CTNNA1: variants seen among roughly 807,000 people sequenced by gnomAD.
CTNNA1 encodes catenin alpha 1, also known as catenin alpha-1.
In CTNNA1, 37 loss-of-function variants were observed where a neutral mutation model predicts 98.4. That is an observed-to-expected ratio of 0.38 (90% CI 0.29 to 0.49). The LOEUF (loss-of-function observed/expected upper bound fraction) is 0.49, where lower values mean the gene tolerates loss of function less well. Among genes scored for constraint, CTNNA1 ranks in the 20% least tolerant of loss-of-function variants. The pLI, the probability that CTNNA1 is intolerant of heterozygous loss-of-function variation, is 0.95. For synonymous variants in CTNNA1, 404 were observed against 413.2 expected (o/e 0.98, Z 0.27); for missense variants, 761 against 1,147.2 (o/e 0.66, Z 4.86).
chr5:138,910,905 G>T (rs1226440618), intron 10 of CTNNA1, among the ~76,000 whole-genome samples: 1 of 152,156 alleles, frequency 6.6e-6, no homozygotes, highest in Non-Finnish European at 1.5e-5. Context: ...AACCATTGAA[G>T]GGTTTTGAGT....
Position 138,874,564 on chromosome 5 carries a change from A to G in CTNNA1, c.1063-11648A>G. ...GCCACTTGAAATGTAAGCCTGCAGA[A>G]TATAATTTAAGGAAAACAAGAAGAT... On this transcript the variant is annotated intron_variant, in intron 7 of 17. Transcript: ENST00000302763. The surrounding 1 kb of genome is among the most constrained non-coding windows in gnomAD (Gnocchi z 4.1). 1.3e-6 allele frequency: 2 copies of G among 1,492,780 alleles called. No individual in the cohort carries two copies. Among genetic ancestry groups the G allele is most frequent in the South Asian group, 1.3e-5 (1 of 78,352 alleles). The allele number at this position is 1,492,780 out of a possible 1,614,324, so 92.5% of individuals were successfully genotyped here.
At chr5:138,808,336 A>G (rs906784738) in intron 3 of CTNNA1, among the ~76,000 whole-genome samples, 1 of 152,220 alleles carries the variant, frequency 6.6e-6, no homozygotes, top group Admixed American at 6.5e-5. Flanking sequence ...TTTGTTGAAC[A>G]AATAAAAGAA....
At chr5:138,786,791 C>T (rs1755759920) in intron 3 of CTNNA1, among the ~76,000 whole-genome samples, 1 of 152,298 alleles carries the variant, frequency 6.6e-6, no homozygotes, top group South Asian at 2.1e-4. Context: ...AAGTTTCAGA[C>T]AACATCAGTC....
chr5:138,899,106 G>T (rs970455018), intron 9 of CTNNA1, among the ~76,000 whole-genome samples: 2 of 151,946 alleles, frequency 1.3e-5, no homozygotes, highest in African/African-American at 4.8e-5. Context: ...TTTTTAAATT[G>T]CATTTTCGAT....
At chr5:138,838,521 G>T (rs1191444912) in intron 7 of CTNNA1, among the ~76,000 whole-genome samples, 1 of 151,832 alleles carries the variant, frequency 6.6e-6, no homozygotes, top group East Asian at 1.9e-4. Context: ...CCAGCTTTGG[G>T]TTTCATTAAT....
intron 7 of CTNNA1, among the ~76,000 whole-genome samples, chr5:138,864,540 G>T (rs952151473): frequency 6.6e-6 from 1 of 152,074 alleles, no homozygotes; most frequent in Non-Finnish European, 1.5e-5. Flanking sequence ...TTTTTGGGAG[G>T]GGACTATGAT....
At chr5:138,760,705 A>G (rs1208018841) in intron 1 of CTNNA1, among the ~76,000 whole-genome samples, 1 of 152,204 alleles carries the variant, frequency 6.6e-6, no homozygotes, top group African/African-American at 2.4e-5. Flanking sequence ...ATTATTTCCA[A>G]GGTATGCTAC....
chr5:138,760,143 G>A (rs997220693), intron 1 of CTNNA1, among the ~76,000 whole-genome samples: 17 of 146,592 alleles, frequency 1.2e-4, no homozygotes, highest in African/African-American at 3.0e-4. Flanking sequence ...ACAGGCATGC[G>A]CCACCATGCC....
intron 1 of CTNNA1, among the ~76,000 whole-genome samples, chr5:138,776,877 G>T (rs1157206275): frequency 7.4e-6 from 1 of 135,012 alleles, no homozygotes; most frequent in Non-Finnish European, 1.6e-5. Context: ...CCTCCCGGGC[G>T]GGGCGGCTGG....
intron 1 of CTNNA1, 65 bp from the exon 2 acceptor site, chr5:138,781,858 G>T: frequency 6.9e-7 from 1 of 1,448,836 alleles, no homozygotes; most frequent in Non-Finnish European, 9.2e-7. Context: ...AGTAGGAGAA[G>T]ATTTGTTACA....
Position 138,783,246 on chromosome 5 carries a change from C to G in CTNNA1, c.175C>G (p.His59Asp). The stretch of plus-strand genomic sequence containing the variant: ...GAAGAGAGGTCGTTCTAAGAAGGCC[C>G]ATGTTTTGGCTGCATCTGTTGAACA... ...NKKRGRSKKAHVLAASVEQAT... is the reference protein window; with the variant it reads ...NKKRGRSKKADVLAASVEQAT... Residue 59 changes from histidine to aspartate, a missense_variant, in exon 3 of 18, where the codon CAT (histidine) becomes GAT (aspartate). By Grantham distance (81) the His-to-Asp change is moderately conservative. Transcript: ENST00000302763. 1 of 1,614,050 alleles carries G rather than the reference C, an allele frequency of 6.2e-7. No individual in the cohort carries two copies. The highest frequency in any genetic ancestry group is 1.7e-5 in the Admixed American group (1 of 60,010).
At chr5:138,903,292 GTTTA>G (rs1758491491) in intron 9 of CTNNA1, among the ~76,000 whole-genome samples, 1 of 152,144 alleles carries the variant, frequency 6.6e-6, no homozygotes. Flanking sequence ...TTTCTGATGT[GTTTA>G]TGTGCTTAAG....
chr5:138,809,917 A>G (rs1758497630), intron 3 of CTNNA1, 121 bp from the exon 4 acceptor site: 1 of 1,302,698 alleles, frequency 7.7e-7, no homozygotes, highest in African/African-American at 1.5e-5. Context: ...AAAAATGAAA[A>G]CTCTTAAACT....
At chr5:138,776,242 G>T (rs1376622216) in intron 1 of CTNNA1, among the ~76,000 whole-genome samples, 2 of 151,628 alleles carry the variant, frequency 1.3e-5, no homozygotes, top group Non-Finnish European at 2.9e-5. Flanking sequence ...GAGTGGTGAT[G>T]ACTCTTAACG....
intron 14 of CTNNA1, 63 bp from the exon 15 acceptor site, chr5:138,930,410 C>A: frequency 8.2e-7 from 1 of 1,215,226 alleles, no homozygotes; most frequent in South Asian, 1.4e-5. Flanking sequence ...ATATTCTTGG[C>A]TAATGCACTC....
intron 1 of CTNNA1, among the ~76,000 whole-genome samples, chr5:138,756,764 C>A (rs1456777069): frequency 6.6e-6 from 1 of 152,068 alleles, no homozygotes; most frequent in African/African-American, 2.4e-5. Context: ...ATTTGATTTC[C>A]TTTTTAAGAC....
chr5:138,892,831 A>T (rs868747569), intron 9 of CTNNA1, among the ~76,000 whole-genome samples: 1 of 151,792 alleles, frequency 6.6e-6, no homozygotes, highest in Non-Finnish European at 1.5e-5. Flanking sequence ...AGCCTGGCCA[A>T]CATGGTGAAA....
intron 16 of CTNNA1, chr5:138,931,972 G>A (rs898040989): frequency 1.5e-5 from 15 of 985,462 alleles, no homozygotes; most frequent in Middle Eastern, 5.2e-4. Flanking sequence ...AAAACTCTGA[G>A]ATGTGGAGCG....
intron 1 of CTNNA1, among the ~76,000 whole-genome samples, chr5:138,762,449 T>G (rs1752469859): frequency 6.6e-6 from 1 of 151,920 alleles, no homozygotes; most frequent in South Asian, 2.1e-4. Context: ...ACATTGCCCT[T>G]TCTCTGTTAG....
Sources: gnomAD v4.1 joint callset for allele counts (sites outside exome capture counted in the v4.1 genomes callset) on GRCh38, gnomAD v4.1.1 for gene constraint, Gnocchi (gnomAD v3.1) non-coding constraint, MANE v1.5 for transcripts, NCBI Gene and HGNC (gene_info 2026-07-23, HGNC 2026-07-21) for gene names.